Variants in SYNE2 observed in about 807,000 individuals in gnomAD.
SYNE2 encodes the protein nesprin-2.
In SYNE2, 431 loss-of-function variants were observed where a neutral mutation model predicts 856.3. The ratio of observed to expected loss-of-function variants is 0.50; its 90% CI spans 0.47 to 0.55. SYNE2 has a LOEUF of 0.55. SYNE2 is among the 20% of genes least tolerant of loss of function. SYNE2 has a pLI of 0.00. For missense variants in SYNE2, 8,129 were observed against 8,023.2 expected (o/e 1.01, Z -0.50); for synonymous variants, 2,923 against 2,872.3 (o/e 1.02, Z -0.56).
rs187859624 is a variant in SYNE2, at chr14:64,128,446, T to C, written c.13918-6T>C. ...GATTGCTCAGTTTCCGACATTTATC[T>C]TACAGAATGAAATAAAGAGATTATA... On this transcript the variant is annotated splice_polypyrimidine_tract_variant and splice_region_variant and intron_variant, in intron 73 of 115. Coordinates refer to ENST00000555002, the MANE Select transcript of SYNE2 (RefSeq NM_182914.3). The C allele has an allele frequency of 1.7e-4, 254 of 1,470,388 alleles. 1 individual carries two copies. The East Asian group carries it at 5.4e-3, about 31-fold the overall frequency. The allele number at this position is 1,470,388 out of a possible 1,614,324, so 91.1% of individuals were successfully genotyped here. A position where few individuals can be genotyped will look rare whatever the true frequency, so the allele number is the denominator to read the frequency against.
intron 2 of SYNE2, among the ~76,000 whole-genome samples, chr14:63,927,329 C>T (rs1304725208): frequency 6.6e-6 from 1 of 152,048 alleles, no homozygotes; most frequent in Non-Finnish European, 1.5e-5. Context: ...AGGAGGATAA[C>T]TTGAACCCAG....
At position 64,144,137 on chromosome 14, in the gene SYNE2, C is replaced by G. The variant is rs570352346; in HGVS notation, c.15483+189C>G. ...CCTATAAGAGAATATAAAAATAGTT[C>G]TTATATTTGAGATTTCTTAGTGGGA... On this transcript the variant is annotated intron_variant, in intron 83 of 115. Transcript: ENST00000555002. Among the ~76,000 whole-genome samples, 45 of 152,106 alleles carry G rather than the reference C, an allele frequency of 3.0e-4. 1 individual carries two copies. Among genetic ancestry groups the G allele is most frequent in the Admixed American group, 2.9e-3 (44 of 15,290 alleles).
chr14:63,904,546 T>C (rs2095382146), intron 1 of SYNE2, among the ~76,000 whole-genome samples: 1 of 152,174 alleles, frequency 6.6e-6, no homozygotes, highest in Non-Finnish European at 1.5e-5. Context: ...TTGGTGGTTT[T>C]GATTTGTATT....
At position 64,208,895 on chromosome 14, in the gene SYNE2, G is replaced by A. The variant is rs1316763110; in HGVS notation, c.18339G>A (p.Leu6113=). Residue 6113 remains leucine, a synonymous_variant, in exon 101 of 116, where the codon CTG becomes CTA. Transcript: ENST00000555002. ...CDSIQQTTRS[L]DRRWRNICAM... ...CGATCCAGCAGACCACCAGGAGCCT[G>A]GACAGACGCTGGAGGAACATTTGTG... The A allele has an allele frequency of 6.2e-7, 1 of 1,614,174 alleles. No individual in the cohort carries two copies. The highest frequency in any genetic ancestry group is 2.2e-5 in the East Asian group (1 of 44,888).
At chr14:63,998,087 C>T in intron 25 of SYNE2, 132 bp from the exon 26 acceptor site, 5 of 751,286 alleles carry the variant, frequency 6.7e-6, no homozygotes, top group Non-Finnish European at 1.2e-5. Flanking sequence ...TGAGACATCT[C>T]AAAGAAATTG....
intron 93 of SYNE2, among the ~76,000 whole-genome samples, chr14:64,169,580 G>T (rs949530643): frequency 5.9e-5 from 9 of 152,218 alleles, no homozygotes; most frequent in Non-Finnish European, 1.3e-4. Context: ...TAATGGGTAT[G>T]ATTTTTCTTC....
At chr14:64,096,745 A>C (rs2097680832) in intron 61 of SYNE2, among the ~76,000 whole-genome samples, 1 of 152,184 alleles carries the variant, frequency 6.6e-6, no homozygotes, top group Non-Finnish European at 1.5e-5. Context: ...GCAGCTTTGG[A>C]CAAATCACCT....
In SYNE2 at chr14:64,004,088, G is replaced by A. The variant is rs146171064; in HGVS notation, c.4397+758G>A. 9.8e-3 allele frequency among the ~76,000 whole-genome samples: 1,493 copies of A among 151,810 alleles called. 29 individuals are homozygous for A. Among genetic ancestry groups the A allele is most frequent in the African/African-American group, 0.034 (1,397 of 41,354 alleles). ...TCAACAGGCTGGAGTTCAGTGGTGC[G>A]ATCTTGGCTCACTGCAACCTCCGCC... On this transcript the variant is annotated intron_variant, in intron 30 of 115. Transcript: ENST00000555002.
intron 84 of SYNE2, among the ~76,000 whole-genome samples, chr14:64,150,971 T>C (rs371731885): frequency 6.6e-6 from 1 of 152,090 alleles, no homozygotes; most frequent in African/African-American, 2.4e-5. Context: ...TTCACCCACA[T>C]GTTAGTATGG....
Position 64,209,522 on chromosome 14 carries a change from C to T in SYNE2, c.18484C>T (p.Pro6162Ser). The T allele has an allele frequency of 6.2e-7, 1 of 1,614,196 alleles. No individual in the cohort carries two copies. The change falls in exon 102 of 116, where the codon CCA becomes TCA. Residue 6162 changes from proline (P) to serine (S), a missense_variant. This residue lies in a region of SYNE2 where 5,410 missense variants were observed against 5,284.8 expected (regional missense o/e 1.02). Coordinates refer to ENST00000555002, the MANE Select transcript of SYNE2 (RefSeq NM_182914.3). ...GTCAGCTGAGAGGACGGCAGCCTGC[C>T]CAAATTCCTCAGAGGTGTTGTACAC... ...LKSAERTAACPNSSEVLYTSA... is the reference protein window; with the variant it reads ...LKSAERTAACSNSSEVLYTSA...
At chr14:63,850,071 A>C (rs529740013), upstream of SYNE2, among the ~76,000 whole-genome samples, 1,703 of 138,078 alleles carry the variant, frequency 0.012, 40 homozygotes, top group African/African-American at 0.042. Context: ...GCATAATATG[A>C]CAACATACTT....
At chr14:63,892,195 A>G (rs773430112) in intron 1 of SYNE2, among the ~76,000 whole-genome samples, 1 of 147,350 alleles carries the variant, frequency 6.8e-6, no homozygotes, top group Non-Finnish European at 1.5e-5. Flanking sequence ...TCGTGCAGTT[A>G]TATTATTCAA....
At chr14:63,814,945 T>C (rs1368997555) in intron 1 of SYNE2, among the ~76,000 whole-genome samples, 1 of 128,276 alleles carries the variant, frequency 7.8e-6, no homozygotes, top group South Asian at 2.4e-4. Flanking sequence ...TCCATATATA[T>C]CTATCCATAT....
chr14:64,192,074 G>T (rs1024232641), intron 99 of SYNE2, among the ~76,000 whole-genome samples: 8 of 152,220 alleles, frequency 5.3e-5, no homozygotes, highest in African/African-American at 1.7e-4. Context: ...CTCTTAGGTC[G>T]TGTGTTTATT....
Position 64,005,057 on chromosome 14 carries a change from T to A in SYNE2, c.4397+1727T>A, listed in dbSNP as rs1473355903. Among the ~76,000 whole-genome samples the A allele has an allele frequency of 3.3e-5, 5 of 151,708 alleles. No individual in the cohort carries two copies. The East Asian group carries it at 9.7e-4, about 29-fold the overall frequency. ...GCAGAGGCAGCAGTAGGTACAAGGGTCGGGTGTGTTTGAGGAAAGGCAAGG... is the reference window on the plus strand; with the variant it reads ...GCAGAGGCAGCAGTAGGTACAAGGGACGGGTGTGTTTGAGGAAAGGCAAGG... On this transcript the variant is annotated intron_variant, in intron 30 of 115. Transcript: ENST00000555002.
chr14:64,044,477 G>T (rs2097171505), intron 45 of SYNE2, among the ~76,000 whole-genome samples: 1 of 152,008 alleles, frequency 6.6e-6, no homozygotes, highest in Non-Finnish European at 1.5e-5. Flanking sequence ...TATTGAAATG[G>T]GTTAATATTT....
intron 56 of SYNE2, 22 bp from the exon 57 acceptor site, chr14:64,081,421 T>C: frequency 6.2e-7 from 1 of 1,614,072 alleles, no homozygotes; most frequent in Non-Finnish European, 8.5e-7. Flanking sequence ...TGACTAAGTT[T>C]GGTCCTGCAT....
chr14:63,996,387 A>G (rs1027382206), intron 23 of SYNE2, among the ~76,000 whole-genome samples: 1 of 152,078 alleles, frequency 6.6e-6, no homozygotes, highest in Non-Finnish European at 1.5e-5. Flanking sequence ...CACAAATCCT[A>G]TGTCACCAGT....
chr14:63,809,160 T>TC (rs1888509790), intron 1 of SYNE2, among the ~76,000 whole-genome samples: 1 of 151,850 alleles, frequency 6.6e-6, no homozygotes, highest in African/African-American at 2.4e-5. Flanking sequence ...CTTTATTTTA[T>TC]TTTTTTTGCT....
Sources: gnomAD v4.1 joint callset for allele counts (sites outside exome capture counted in the v4.1 genomes callset) on GRCh38, gnomAD v4.1.1 for gene constraint, gnomAD v4.1.1 regional missense constraint, MANE v1.5 for transcripts, NCBI Gene and HGNC (gene_info 2026-07-23, HGNC 2026-07-21) for gene names.